Variants in FAM240C observed in about 807,000 individuals in gnomAD.
FAM240C encodes protein FAM240C.
FAM240C carries 14 observed loss-of-function variants against 10.0 expected under a neutral mutation model. The ratio of observed to expected loss-of-function variants is 1.40; its 90% confidence interval spans 0.92 to 2.19. The LOEUF (loss-of-function observed/expected upper bound fraction) is 2.19. FAM240C is among the 30% of genes most tolerant of loss of function. The pLI, the probability that FAM240C is intolerant of heterozygous loss-of-function variation, is 0.00. For synonymous variants in FAM240C, 49 were observed against 44.3 expected, an observed-to-expected ratio of 1.11 and a Z score of -0.42; for missense variants, 154 against 122.3, an observed-to-expected ratio of 1.26 and a Z score of -1.22.
intron 2 of FAM240C, among the ~76,000 whole-genome samples, chr2:241,896,488 GGGGGTGTGGGTGA>G (rs1559468219): frequency 2.8e-3 from 154 of 55,352 alleles, no homozygotes; most frequent in African/African-American, 9.0e-3. Flanking sequence ...GGCGGGGGAA[GGGGGTGTGGGTGA>G]AGGGGGTGTG....
upstream of FAM240C, among the ~76,000 whole-genome samples, chr2:241,901,150 C>T (rs559815912): frequency 6.6e-6 from 1 of 152,320 alleles, no homozygotes; most frequent in South Asian, 2.1e-4. The surrounding 1 kb of genome is among the most constrained non-coding windows in gnomAD (Gnocchi z 4.9). Flanking sequence ...ACGGGGGTCA[C>T]CGCGTCCGGA....
At chr2:241,899,461 G>C (rs1229992498) in intron 1 of FAM240C, 10 of 496,986 alleles carry the variant, frequency 2.0e-5, no homozygotes, top group African/African-American at 1.9e-4. Context: ...CCAATGAGGA[G>C]GGTGGGATGC....
Position 241,899,244 on chromosome 2 carries a change from G to A in FAM240C, c.12+1114C>T. The A allele has an allele frequency of 6.9e-6, 9 of 1,302,216 alleles. No homozygotes were observed. The South Asian group carries it at 7.4e-5, about 11-fold the overall frequency. 80.7% of individuals were successfully genotyped at this position (1,302,216 alleles called of 1,614,324 possible). Reference sequence around the variant, plus strand: ...GGGGCTTCCAGCTGCAGAGGCGCGGGCGCTGTGGCCTGCGCAGCCTGTTGT... The same window carrying A: ...GGGGCTTCCAGCTGCAGAGGCGCGGACGCTGTGGCCTGCGCAGCCTGTTGT... On this transcript the variant is annotated intron_variant, in intron 1 of 2. Coordinates refer to ENST00000404031, the MANE Select transcript of FAM240C (RefSeq NM_001382368.1).
upstream of FAM240C, among the ~76,000 whole-genome samples, chr2:241,901,488 T>A (rs922916743): frequency 4.6e-5 from 7 of 152,180 alleles, no homozygotes; most frequent in Middle Eastern, 3.2e-3. This position sits in a 1 kb window ranked among gnomAD's most constrained non-coding sequence, Gnocchi z 4.9. Flanking sequence ...TGTTTTTTTT[T>A]AAACTGGAGT....
chr2:241,894,218 CCG>C lies in FAM240C; in HGVS notation c.281_282del (p.Ala94GlyfsTer74). The C allele has an allele frequency of 6.5e-7, 1 of 1,549,162 alleles. No homozygotes were observed. The highest frequency in any genetic ancestry group is 1.2e-5 in the South Asian group (1 of 84,024). ...TESLHTKDKK[A>X]A ...AGTCTGGAGCTCGTGGGCCCTCAGG[CCG>C]CCTTCTTGTCCTTGGTGTGGAGGGA... On this transcript the variant is annotated frameshift_variant, in exon 3 of 3. Coordinates refer to ENST00000404031, the MANE Select transcript of FAM240C (RefSeq NM_001382368.1). LOFTEE classifies it high-confidence loss of function.
Position 241,894,317 on chromosome 2 carries a change from G to A in FAM240C, c.184C>T (p.Gln62Ter). ...LNKLRVGWAE[Q>*]LEGRNKMLQG... ...AGCATCTTGTTCCTCCCCTCCAGCT[G>A]CTCAGCCCATCCCACGCGGAGCCTG... is the stretch of plus-strand genomic sequence containing the variant. The change falls in exon 3 of 3, where the codon CAG (glutamine) becomes TAG (stop). Residue 62 changes from glutamine to a stop codon, truncating the protein, a stop_gained. Coordinates refer to ENST00000404031, the MANE Select transcript of FAM240C (RefSeq NM_001382368.1). LOFTEE classifies it high-confidence loss of function. The A allele has an allele frequency of 6.5e-7, 1 of 1,548,270 alleles. No homozygotes were observed. Among genetic ancestry groups the A allele is most frequent in the Non-Finnish European group, 8.7e-7 (1 of 1,146,152 alleles).
Position 241,895,963 on chromosome 2 carries a change from T to TGG in FAM240C, c.161+1221_161+1222dup, listed in dbSNP as rs397785705. Among the ~76,000 whole-genome samples the TGG allele has an allele frequency of 1.8e-3, 268 of 148,948 alleles. 5 individuals carry two copies. The highest frequency in any genetic ancestry group is 0.013 in the South Asian group (61 of 4,674). On this transcript the variant is annotated intron_variant, in intron 2 of 2. Transcript: ENST00000404031. ...GGCCCGTGGGGCAAGCACTCGGTGG[T>TGG]GGGGGGGGGCCTCTCCTTCACCATC...
At chr2:241,896,790 T>G (rs1454263847) in intron 2 of FAM240C, among the ~76,000 whole-genome samples, 5 of 28,290 alleles carry the variant, frequency 1.8e-4, no homozygotes, top group Admixed American at 5.5e-4. Flanking sequence ...GTGAAGGGGG[T>G]GTGGGTGTTG....
intron 1 of FAM240C, among the ~76,000 whole-genome samples, chr2:241,899,740 CA>C (rs1701936559): frequency 6.6e-6 from 1 of 152,134 alleles, no homozygotes; most frequent in South Asian, 2.1e-4. Flanking sequence ...AAACCAGCAG[CA>C]AAAGGGAGAA....
In FAM240C at chr2:241,899,325, G is replaced by T. The variant is rs931568971; in HGVS notation, c.12+1033C>A. 6 of 985,310 alleles carry T rather than the reference G, an allele frequency of 6.1e-6. No individual in the cohort carries two copies. The African/African-American group carries it at 8.7e-5, about 14-fold the overall frequency. 61.0% of individuals were successfully genotyped at this position (985,310 alleles called of 1,614,324 possible). ...CTGCCCCTGGAGGGCCACAGAAATCGCCCATCGATGCCACGCCCTTTGTTC... is the reference window on the plus strand; with the variant it reads ...CTGCCCCTGGAGGGCCACAGAAATCTCCCATCGATGCCACGCCCTTTGTTC... On this transcript the variant is annotated intron_variant, in intron 1 of 2. Transcript: ENST00000404031.
chr2:241,896,985 C>A (rs1050157282), intron 2 of FAM240C, among the ~76,000 whole-genome samples: 23 of 151,964 alleles, frequency 1.5e-4, no homozygotes, highest in Non-Finnish European at 3.2e-4. Flanking sequence ...ACCTACTGTT[C>A]CAAGCGTGAT....
chr2:241,899,394 C>G, intron 1 of FAM240C: 1 of 949,732 alleles, frequency 1.1e-6, no homozygotes, highest in South Asian at 4.9e-5. Context: ...GGACTGAACT[C>G]AGCCACGCCT....
At chr2:241,896,969 T>G (rs1474654538) in intron 2 of FAM240C, among the ~76,000 whole-genome samples, 1 of 151,828 alleles carries the variant, frequency 6.6e-6, no homozygotes, top group African/African-American at 2.4e-5. Context: ...TGTCTTGTCA[T>G]TTCCCACCTA....
upstream of FAM240C, among the ~76,000 whole-genome samples, chr2:241,901,500 C>T (rs1353994400): frequency 2.6e-5 from 4 of 151,584 alleles, no homozygotes; most frequent in Non-Finnish European, 5.9e-5. This position sits in a 1 kb window ranked among gnomAD's most constrained non-coding sequence, Gnocchi z 4.9. Flanking sequence ...AACTGGAGTT[C>T]TGTGGGTGTC....
At chr2:241,901,698 G>A (rs951169539), upstream of FAM240C, among the ~76,000 whole-genome samples, 1 of 152,230 alleles carries the variant, frequency 6.6e-6, no homozygotes, top group Non-Finnish European at 1.5e-5. The surrounding 1 kb of genome is among the most constrained non-coding windows in gnomAD (Gnocchi z 4.9). Flanking sequence ...GTGAGAACCA[G>A]CAGCTGCTTC....
Position 241,894,249 on chromosome 2 carries a change from A to G in FAM240C, c.252T>C (p.Thr84=). Residue 84 remains threonine (T), a synonymous_variant, in exon 3 of 3, where the codon ACT becomes ACC. Coordinates refer to ENST00000404031, the MANE Select transcript of FAM240C (RefSeq NM_001382368.1). ...GRCPDRVPEA[T]ESLHTKDKKA... is the part of the protein sequence containing the mutation. ...TCTTGTCCTTGGTGTGGAGGGACTC[A>G]GTGGCCTCCGGGACCCTGTCTGGGC... The G allele has an allele frequency of 6.5e-7, 1 of 1,550,006 alleles. No individual in the cohort carries two copies. Among genetic ancestry groups the G allele is most frequent in the Non-Finnish European group, 8.7e-7 (1 of 1,146,792 alleles).
chr2:241,894,522 G>A (rs1701739966), intron 2 of FAM240C, among the ~76,000 whole-genome samples, 183 bp from the exon 3 acceptor site: 1 of 146,582 alleles, frequency 6.8e-6, no homozygotes, highest in African/African-American at 2.5e-5. Flanking sequence ...GTCTCCCAGG[G>A]CCCTGGGATC....
At chr2:241,901,717 C>A (rs148745812), upstream of FAM240C, among the ~76,000 whole-genome samples, 57 of 152,322 alleles carry the variant, frequency 3.7e-4, no homozygotes, top group East Asian at 0.01. The surrounding 1 kb of genome is among the most constrained non-coding windows in gnomAD (Gnocchi z 4.9). Flanking sequence ...TCAGAAAAAC[C>A]GCTGCGTGCA....
chr2:241,893,993 T>G lies in FAM240C; in HGVS notation c.*220A>C. On this transcript the variant is annotated 3_prime_UTR_variant, in exon 3 of 3. Coordinates refer to ENST00000404031, the MANE Select transcript of FAM240C (RefSeq NM_001382368.1). ...ATTTAGCACGAAACATTCAATCCAA[T>G]TGACTTAGGTTTTATTGGGCACCAG... is the stretch of plus-strand genomic sequence containing the variant. The G allele has an allele frequency of 2.3e-6, 1 of 434,270 alleles. No individual in the cohort carries two copies. The highest frequency in any genetic ancestry group is 4.1e-6 in the Non-Finnish European group (1 of 244,646). 26.9% of individuals were successfully genotyped at this position (434,270 alleles called of 1,614,324 possible).
Sources: allele counts gnomAD v4.1 joint callset (sites outside exome capture counted in the v4.1 genomes callset), GRCh38; gene constraint gnomAD v4.1.1; non-coding constraint Gnocchi (gnomAD v3.1); transcripts MANE v1.5; gene names NCBI Gene and HGNC (gene_info 2026-07-23, HGNC 2026-07-21).